Variants in TMOD3 observed in about 807,000 individuals in gnomAD.
TMOD3 encodes the protein tropomodulin-3.
Under a neutral mutation model 39.2 loss-of-function variants are expected in TMOD3, and 20 were observed. That is an observed-to-expected ratio of 0.51 (90% CI 0.36 to 0.74). The LOEUF (loss-of-function observed/expected upper bound fraction) is 0.74, where lower values mean the gene tolerates loss of function less well. TMOD3 is among the 30% of genes least tolerant of loss of function. The pLI is 0.00. For missense variants in TMOD3, 381 were observed against 412.8 expected, an observed-to-expected ratio of 0.92 and a Z score of 0.67; for synonymous variants, 143 against 145.8, an observed-to-expected ratio of 0.98 and a Z score of 0.14.
Position 51,885,597 on chromosome 15 carries a change from G to A in TMOD3, c.284-1992G>A, listed in dbSNP as rs553180553. On this transcript the variant is annotated intron_variant, in intron 3 of 9. Transcript: ENST00000308580. The stretch of plus-strand genomic sequence containing the variant: ...ACACAGCACATGTTTCAGAGAACAC[G>A]GGGTTGGGGGCAAGGCTATAGATTA... Among the ~76,000 whole-genome samples, 9 of 152,264 alleles carry A rather than the reference G, an allele frequency of 5.9e-5. No individual in the cohort carries two copies. In the East Asian group the frequency reaches 1.7e-3, roughly 29 times the overall value.
At chr15:51,897,781 C>CAAAAAAA (rs35282838) in intron 7 of TMOD3, among the ~76,000 whole-genome samples, 6 of 111,038 alleles carry the variant, frequency 5.4e-5, no homozygotes, top group African/African-American at 1.7e-4. Flanking sequence ...CCACGCCCAG[C>CAAAAAAA]AAAAAAAAAA....
At chr15:51,869,093 A>C (rs1459852232) in intron 2 of TMOD3, 124 bp from the exon 3 acceptor site, 5 of 1,004,362 alleles carry the variant, frequency 5.0e-6, no homozygotes, top group Non-Finnish European at 5.8e-6. Context: ...AAAATCCTGC[A>C]ATGAAGTGTT....
intron 3 of TMOD3, among the ~76,000 whole-genome samples, chr15:51,885,771 G>A (rs1284133779): frequency 1.3e-5 from 2 of 152,172 alleles, no homozygotes; most frequent in Non-Finnish European, 2.9e-5. Context: ...AACCGCCATC[G>A]TCATCATGGC....
At chr15:51,840,902 T>G (rs981118480) in intron 1 of TMOD3, among the ~76,000 whole-genome samples, 1 of 152,234 alleles carries the variant, frequency 6.6e-6, no homozygotes, top group Non-Finnish European at 1.5e-5. Flanking sequence ...TCACCTAATA[T>G]CACTTAATTT....
intron 2 of TMOD3, among the ~76,000 whole-genome samples, chr15:51,865,887 T>G (rs906250818): frequency 2.4e-4 from 37 of 151,856 alleles, no homozygotes; most frequent in African/African-American, 8.5e-4. Flanking sequence ...ACTCACTGAG[T>G]TTTTGCCAAA....
At chr15:51,861,423 GC>G (rs35434219) in intron 1 of TMOD3, 58,806 of 165,614 alleles carry the variant, frequency 0.36, 11,177 homozygotes, top group Admixed American at 0.43. Flanking sequence ...TGGTGAGCCT[GC>G]CTTTCTAAAC....
chr15:51,838,072 G>C (rs1184169616), intron 1 of TMOD3, among the ~76,000 whole-genome samples: 2 of 152,152 alleles, frequency 1.3e-5, no homozygotes, highest in East Asian at 1.9e-4. Context: ...GCATGGAGGC[G>C]TACTTACTTC....
intron 1 of TMOD3, among the ~76,000 whole-genome samples, chr15:51,844,594 T>A (rs1333775465): frequency 1.3e-5 from 2 of 152,226 alleles, no homozygotes; most frequent in Admixed American, 1.3e-4. Context: ...CTGTTAAATT[T>A]ATTTTAATAA....
intron 6 of TMOD3, among the ~76,000 whole-genome samples, chr15:51,894,574 T>C: frequency 6.6e-6 from 1 of 152,208 alleles, no homozygotes; most frequent in East Asian, 1.9e-4. Flanking sequence ...TTTGTAGTCA[T>C]TCTCTGACCC....
intron 3 of TMOD3, among the ~76,000 whole-genome samples, chr15:51,874,534 A>G (rs573878158): frequency 3.5e-4 from 54 of 152,238 alleles, no homozygotes; most frequent in Non-Finnish European, 7.2e-4. Flanking sequence ...GAGAATGGTG[A>G]AAATTCTCAG....
chr15:51,858,507 G>C (rs2056399581), intron 1 of TMOD3, among the ~76,000 whole-genome samples: 1 of 151,198 alleles, frequency 6.6e-6, no homozygotes, highest in Non-Finnish European at 1.5e-5. Flanking sequence ...ACCTGTTTTG[G>C]GCAGTTACAC....
intron 9 of TMOD3, among the ~76,000 whole-genome samples, chr15:51,906,174 T>G (rs996892472): frequency 3.3e-5 from 5 of 152,074 alleles, no homozygotes; most frequent in African/African-American, 1.2e-4. Flanking sequence ...CTGCTCAGCT[T>G]AACTTTTTTT....
intron 3 of TMOD3, among the ~76,000 whole-genome samples, chr15:51,877,681 A>T (rs1239807630): frequency 2.3e-5 from 3 of 128,918 alleles, no homozygotes; most frequent in Non-Finnish European, 5.3e-5. Context: ...ACTCTGTCTT[A>T]AAAAAAAAAA....
At chr15:51,867,541 G>A (rs2056453258) in intron 2 of TMOD3, among the ~76,000 whole-genome samples, 1 of 152,120 alleles carries the variant, frequency 6.6e-6, no homozygotes, top group Admixed American at 6.6e-5. Flanking sequence ...ATTATTATGT[G>A]TCTCAACAAA....
chr15:51,872,532 T>C (rs1006169108), intron 3 of TMOD3, among the ~76,000 whole-genome samples: 2 of 152,020 alleles, frequency 1.3e-5, no homozygotes, highest in Non-Finnish European at 2.9e-5. Flanking sequence ...GAACTTTATA[T>C]CGATGGAAAC....
chr15:51,856,508 C>T (rs778209831), intron 1 of TMOD3, among the ~76,000 whole-genome samples: 10 of 151,532 alleles, frequency 6.6e-5, no homozygotes, highest in Admixed American at 2.0e-4. Flanking sequence ...TACTTAGAAA[C>T]GTTTTCCCCT....
In TMOD3 at chr15:51,847,777, G is replaced by A. The variant is rs189677149; in HGVS notation, c.-74-15034G>A. Among the ~76,000 whole-genome samples, 266 of 152,198 alleles carry A rather than the reference G, an allele frequency of 1.7e-3. 1 individual carries two copies. Among genetic ancestry groups the A allele is most frequent in the Admixed American group, 0.016 (243 of 15,280 alleles). Reference sequence around the variant, plus strand: ...TCCATTTGCTATCAAAGTAATATACGTTATATACAACTAAAATAAAATGGG... The same window carrying A: ...TCCATTTGCTATCAAAGTAATATACATTATATACAACTAAAATAAAATGGG... On this transcript the variant is annotated intron_variant, in intron 1 of 9. Coordinates refer to ENST00000308580, the MANE Select transcript of TMOD3 (RefSeq NM_014547.5).
chr15:51,844,855 C>T (rs2623250), intron 1 of TMOD3, among the ~76,000 whole-genome samples: 7,434 of 152,212 alleles, frequency 0.049, 419 homozygotes, highest in African/African-American at 0.12. Context: ...TTTATTAATA[C>T]GGTCATACTA....
intron 1 of TMOD3, among the ~76,000 whole-genome samples, chr15:51,842,692 G>A (rs186521876): frequency 6.6e-6 from 1 of 152,172 alleles, no homozygotes; most frequent in Non-Finnish European, 1.5e-5. Context: ...GACTGAGTTC[G>A]TGCTTTTATC....
Sources: allele counts gnomAD v4.1 joint callset (sites outside exome capture counted in the v4.1 genomes callset), GRCh38; gene constraint gnomAD v4.1.1; transcripts MANE v1.5; gene names NCBI Gene and HGNC (gene_info 2026-07-23, HGNC 2026-07-21).